Variants in ARSB observed in about 807,000 individuals in gnomAD.
ARSB encodes the protein arylsulfatase B.
Under a neutral mutation model 50.9 loss-of-function variants are expected in ARSB, and 41 were observed. The ratio of observed to expected loss-of-function variants is 0.81; its 90% CI spans 0.63 to 1.04. ARSB has a LOEUF of 1.04. Ranked by LOEUF, ARSB falls within the 50% of genes least tolerant of loss-of-function variation. ARSB has a pLI of 0.00. For synonymous variants in ARSB, 269 were observed against 284.8 expected (o/e 0.94, Z 0.56); for missense variants, 672 against 693.3 (o/e 0.97, Z 0.35).
intron 6 of ARSB, among the ~76,000 whole-genome samples, chr5:78,805,772 G>A (rs1743534807): frequency 6.6e-6 from 1 of 152,216 alleles, no homozygotes; most frequent in African/African-American, 2.4e-5. Context: ...GAGCAGCCGG[G>A]TGGCTCTGTG....
chr5:78,969,175 C>A lies in ARSB; in HGVS notation c.330G>T (p.Gln110His), dbSNP rs1204363482. The A allele has an allele frequency of 2.5e-6, 4 of 1,614,006 alleles. No individual in the cohort carries two copies. Among genetic ancestry groups the A allele is most frequent in the Admixed American group, 1.7e-5 (1 of 60,002 alleles). Residue 110 changes from glutamine to histidine, a missense_variant, in exon 2 of 8, where the codon CAG (glutamine) becomes CAT (histidine). Transcript: ENST00000264914. ...TGRYQIRTGL[Q>H]HQIIWPCQPS... ...GCTGACAGGGCCAGATTATTTGGTGCTGTAAACCTGTACGGATCTTACAGA... is the reference window on the plus strand; with the variant it reads ...GCTGACAGGGCCAGATTATTTGGTGATGTAAACCTGTACGGATCTTACAGA...
rs1459726902 is a variant in ARSB, at chr5:78,777,724, A to C, written c.*2673T>G. ...AAAACATAGCCAGGCGTGGTGGTGT[A>C]TGCCTGTAATCCAGCTACTTGGGAG... is the stretch of plus-strand genomic sequence containing the variant. On this transcript the variant is annotated 3_prime_UTR_variant, in exon 8 of 8. Transcript: ENST00000264914. 1 of 151,744 alleles carries C rather than the reference A, an allele frequency of 6.6e-6. No individual in the cohort carries two copies. Among genetic ancestry groups the C allele is most frequent in the East Asian group, 1.9e-4 (1 of 5,166 alleles). 9.4% of individuals were successfully genotyped at this position (151,744 alleles called of 1,614,324 possible).
At chr5:78,841,159 C>CTAATAATAA (rs1491359597) in intron 5 of ARSB, among the ~76,000 whole-genome samples, 14 of 94,204 alleles carry the variant, frequency 1.5e-4, no homozygotes, top group African/African-American at 4.2e-4. Context: ...ACTACTACTA[C>CTAATAATAA]TACTACTACT....
At chr5:78,983,452 T>C (rs1206685191) in intron 1 of ARSB, among the ~76,000 whole-genome samples, 1 of 152,222 alleles carries the variant, frequency 6.6e-6, no homozygotes, top group Non-Finnish European at 1.5e-5. Context: ...TTTTGCAATC[T>C]GAGTTCAGTT....
Position 78,928,337 on chromosome 5 carries a change from A to G in ARSB, c.898+26958T>C, listed in dbSNP as rs187912956. On this transcript the variant is annotated intron_variant, in intron 4 of 7. Transcript: ENST00000264914. Reference sequence around the variant, plus strand: ...TTTTTTTTTTTTTTTTTTTTTTGAGACAGAGTCTTGCTCTGTCACACAGGC... The same window carrying G: ...TTTTTTTTTTTTTTTTTTTTTTGAGGCAGAGTCTTGCTCTGTCACACAGGC... 1.7e-3 allele frequency among the ~76,000 whole-genome samples: 171 copies of G among 99,834 alleles called. 1 individual carries two copies. Among genetic ancestry groups the G allele is most frequent in the African/African-American group, 6.0e-3 (161 of 26,826 alleles). The allele number at this position is 99,834 out of a possible 152,430, so 65.5% of individuals were successfully genotyped here. A position where few individuals can be genotyped will look rare whatever the true frequency, so the allele number is the denominator to read the frequency against.
intron 6 of ARSB, among the ~76,000 whole-genome samples, chr5:78,819,504 A>T (rs896261743): frequency 1.3e-5 from 2 of 152,250 alleles, no homozygotes; most frequent in Non-Finnish European, 2.9e-5. Flanking sequence ...TAAATTCTGA[A>T]TCATGAAGGA....
chr5:78,875,450 T>C (rs1747437443), intron 5 of ARSB, among the ~76,000 whole-genome samples: 1 of 152,036 alleles, frequency 6.6e-6, no homozygotes, highest in Non-Finnish European at 1.5e-5. Context: ...GAATTCTTGT[T>C]AAATCCTTTC....
intron 5 of ARSB, among the ~76,000 whole-genome samples, chr5:78,873,419 A>G (rs1352312629): frequency 2.6e-5 from 4 of 151,998 alleles, no homozygotes; most frequent in African/African-American, 9.6e-5. Context: ...ATTTATGTAA[A>G]GAAGATTCAA....
In ARSB at chr5:78,859,237, G is replaced by T. The variant is rs529707943; in HGVS notation, c.1143-19811C>A. ...GAAAATGTTGATGAAATTCAGTGAGGAAATATGTAAGTTGAATTCACTGGG... is the reference window on the plus strand; with the variant it reads ...GAAAATGTTGATGAAATTCAGTGAGTAAATATGTAAGTTGAATTCACTGGG... On this transcript the variant is annotated intron_variant, in intron 5 of 7. Coordinates refer to ENST00000264914, the MANE Select transcript of ARSB (RefSeq NM_000046.5). Among the ~76,000 whole-genome samples the T allele has an allele frequency of 3.2e-4, 49 of 152,244 alleles. 1 individual carries two copies. In the South Asian group the frequency reaches 8.9e-3, roughly 28 times the overall value.
intron 1 of ARSB, among the ~76,000 whole-genome samples, chr5:78,984,614 C>T (rs1391806713): frequency 6.6e-6 from 1 of 152,254 alleles, no homozygotes; most frequent in Non-Finnish European, 1.5e-5. Context: ...ACCGCTCCGC[C>T]TGCCGGCCGC....
chr5:78,790,190 C>T (rs561166010), intron 6 of ARSB, among the ~76,000 whole-genome samples: 4 of 152,236 alleles, frequency 2.6e-5, no homozygotes, highest in South Asian at 2.1e-4. Context: ...AAGTGGCATC[C>T]TACCAGCCCT....
chr5:78,874,762 T>C (rs1173728923), intron 5 of ARSB, among the ~76,000 whole-genome samples: 1 of 152,156 alleles, frequency 6.6e-6, no homozygotes, highest in Admixed American at 6.5e-5. Context: ...TTCTTTTCAA[T>C]TACACCTGAT....
At chr5:78,912,075 A>G (rs1048258659) in intron 4 of ARSB, among the ~76,000 whole-genome samples, 1 of 152,196 alleles carries the variant, frequency 6.6e-6, no homozygotes, top group African/African-American at 2.4e-5. Context: ...ACTATAAGAA[A>G]CTAAGAAGTC....
At chr5:78,855,465 C>G (rs1356367397) in intron 5 of ARSB, among the ~76,000 whole-genome samples, 1 of 152,180 alleles carries the variant, frequency 6.6e-6, no homozygotes, top group Non-Finnish European at 1.5e-5. Context: ...GAGCACAAAA[C>G]AGTTGCTCGA....
At chr5:78,793,101 G>A (rs1181286814) in intron 6 of ARSB, among the ~76,000 whole-genome samples, 1 of 146,016 alleles carries the variant, frequency 6.8e-6, no homozygotes, top group South Asian at 2.1e-4. Flanking sequence ...GCCCAGCTGA[G>A]CCCTGGCCTA....
At chr5:78,831,554 G>A (rs1409848771) in intron 6 of ARSB, among the ~76,000 whole-genome samples, 1 of 152,054 alleles carries the variant, frequency 6.6e-6, no homozygotes, top group Non-Finnish European at 1.5e-5. Context: ...CTCATATCTG[G>A]GTGCCCTTCT....
At chr5:78,954,664 C>T (rs904778164) in intron 4 of ARSB, among the ~76,000 whole-genome samples, 1 of 152,028 alleles carries the variant, frequency 6.6e-6, no homozygotes, top group Non-Finnish European at 1.5e-5. Flanking sequence ...GCCACCATGC[C>T]CGGCTAATTT....
intron 4 of ARSB, among the ~76,000 whole-genome samples, chr5:78,898,104 C>T (rs1181136370): frequency 6.6e-6 from 1 of 152,062 alleles, no homozygotes; most frequent in Non-Finnish European, 1.5e-5. Context: ...CCCGGCTCTA[C>T]TAAAAATACA....
intron 1 of ARSB, among the ~76,000 whole-genome samples, chr5:78,975,459 T>C (rs6888024): frequency 0.2 from 30,526 of 152,206 alleles, 3,176 homozygotes; most frequent in Middle Eastern, 0.32. Context: ...TTTATCAGTG[T>C]GATTAAGAAA....
Sources: allele counts gnomAD v4.1 joint callset (sites outside exome capture counted in the v4.1 genomes callset), GRCh38; gene constraint gnomAD v4.1.1; transcripts MANE v1.5; gene names NCBI Gene and HGNC (gene_info 2026-07-23, HGNC 2026-07-21).